Variants in UGGT1 observed in about 807,000 individuals in gnomAD.
UGGT1 encodes UDP-glucose:glycoprotein glucosyltransferase 1.
UGGT1 carries 107 observed loss-of-function variants against 203.9 expected under a neutral mutation model. The observed-to-expected ratio is 0.52, with a 90% confidence interval of 0.45 to 0.62. UGGT1 has a LOEUF of 0.62. Among genes scored for constraint, UGGT1 ranks in the 20% least tolerant of loss-of-function variants. The probability of loss-of-function intolerance (pLI) is 0.00; values close to 1 mark genes in which losing one functional copy is unlikely to be tolerated. For missense variants in UGGT1, 1,673 were observed against 1,867.2 expected (o/e 0.90, Z 1.92); for synonymous variants, 628 against 653.5 (o/e 0.96, Z 0.59).
intron 25 of UGGT1, among the ~76,000 whole-genome samples, chr2:128,163,291 C>CTT (rs5834198): frequency 0.42 from 64,129 of 150,984 alleles, 13,779 homozygotes; most frequent in South Asian, 0.57. Flanking sequence ...TGTATGTAGG[C>CTT]TTAATTACAG....
chr2:128,105,359 G>C (rs1457198641), intron 3 of UGGT1, among the ~76,000 whole-genome samples: 2 of 140,524 alleles, frequency 1.4e-5, no homozygotes, highest in Non-Finnish European at 3.1e-5. Context: ...ATTTTTTTTT[G>C]TGGAGACAGG....
chr2:128,162,810 C>A (rs1183315923), intron 25 of UGGT1, among the ~76,000 whole-genome samples: 1 of 152,214 alleles, frequency 6.6e-6, no homozygotes, highest in African/African-American at 2.4e-5. Context: ...AACTGCCAGA[C>A]TGTGCCTAGA....
At chr2:128,092,076 T>G (rs1041621327) in intron 1 of UGGT1, among the ~76,000 whole-genome samples, 3 of 152,192 alleles carry the variant, frequency 2.0e-5, no homozygotes, top group African/African-American at 2.4e-5. Context: ...TGTGCTACAC[T>G]AACTGTTTTG....
chr2:128,172,882 C>T (rs1363893655), intron 29 of UGGT1, 120 bp downstream of exon 29: 7 of 933,442 alleles, frequency 7.5e-6, no homozygotes, highest in Non-Finnish European at 1.1e-5. Flanking sequence ...TAAACAACAG[C>T]TTTATTCACA....
rs977033761 is a variant in UGGT1, at chr2:128,113,069, A to G, written c.522-15A>G. 2.7e-6 allele frequency: 4 copies of G among 1,455,770 alleles called. No individual in the cohort carries two copies. Among genetic ancestry groups the G allele is most frequent in the Non-Finnish European group, 3.7e-6 (4 of 1,095,802 alleles). The allele number at this position is 1,455,770 out of a possible 1,614,324, so 90.2% of individuals were successfully genotyped here. A position where few individuals can be genotyped will look rare whatever the true frequency, so the allele number is the denominator to read the frequency against. On this transcript the variant is annotated splice_polypyrimidine_tract_variant and intron_variant, in intron 5 of 40. Coordinates refer to ENST00000259253, the MANE Select transcript of UGGT1 (RefSeq NM_020120.4). ...ATTATTTTTAAAGTTTTGAGCTTTTATTATTTATTTTCAGACCCAAACCTT... is the reference window on the plus strand; with the variant it reads ...ATTATTTTTAAAGTTTTGAGCTTTTGTTATTTATTTTCAGACCCAAACCTT...
chr2:128,161,561 A>G (rs1369800338), intron 25 of UGGT1, among the ~76,000 whole-genome samples: 2 of 152,180 alleles, frequency 1.3e-5, no homozygotes, highest in East Asian at 3.8e-4. Context: ...TAGTTTATTT[A>G]TTACCTGGAA....
intron 27 of UGGT1, 122 bp downstream of exon 27, chr2:128,170,512 G>T (rs1691040447): frequency 2.7e-6 from 2 of 731,826 alleles, no homozygotes; most frequent in East Asian, 2.7e-5. Flanking sequence ...ATGCTATGGG[G>T]TTCTAGGGCA....
chr2:128,100,463 A>G (rs1467799550), intron 2 of UGGT1, among the ~76,000 whole-genome samples: 1 of 149,482 alleles, frequency 6.7e-6, no homozygotes, highest in Non-Finnish European at 1.5e-5. Context: ...CTGGAGTGCA[A>G]TGGCGTGATC....
intron 22 of UGGT1, 33 bp from the exon 23 acceptor site, chr2:128,159,481 C>T (rs1298575442): frequency 1.3e-6 from 2 of 1,586,556 alleles, no homozygotes; most frequent in Non-Finnish European, 8.7e-7. Flanking sequence ...AAAATATCTA[C>T]AATATGACTC....
At chr2:128,144,983 C>G (rs1461766182) in intron 17 of UGGT1, among the ~76,000 whole-genome samples, 2 of 152,164 alleles carry the variant, frequency 1.3e-5, no homozygotes, top group Admixed American at 6.6e-5. Context: ...TGTTGACAGT[C>G]AGGAAAAATG....
intron 35 of UGGT1, among the ~76,000 whole-genome samples, chr2:128,180,293 G>C (rs1691623952): frequency 1.3e-5 from 2 of 152,180 alleles, no homozygotes; most frequent in Admixed American, 1.3e-4. Flanking sequence ...AATGTTTTCT[G>C]CATTACTTAT....
At chr2:128,120,659 A>G (rs993761175) in intron 9 of UGGT1, among the ~76,000 whole-genome samples, 3 of 152,328 alleles carry the variant, frequency 2.0e-5, no homozygotes, top group East Asian at 3.9e-4. Flanking sequence ...GAAGTAATAT[A>G]TATAAACAAA....
intron 19 of UGGT1, among the ~76,000 whole-genome samples, chr2:128,153,454 A>T (rs1164789195): frequency 6.6e-6 from 1 of 152,176 alleles, no homozygotes; most frequent in Admixed American, 6.5e-5. Context: ...CTAATGATAC[A>T]TCATTATCAT....
chr2:128,172,728 C>T lies in UGGT1; in HGVS notation c.3260C>T (p.Thr1087Ile), dbSNP rs1427801519. ...AGCTGGATGGTAGAATCTGTCAGAA[C>T]ACCATATGATCTTGATAATATTTAT... ...PESWMVESVR[T>I]PYDLDNIYLE... Residue 1087 changes from threonine to isoleucine, a missense_variant, in exon 29 of 41, where the codon ACA becomes ATA. Thr to Ile is a moderately conservative substitution (Grantham distance 89, BLOSUM62 -1). This residue lies in a region of UGGT1 where 513 missense variants were observed against 684.1 expected (regional missense o/e 0.75). Coordinates refer to ENST00000259253, the MANE Select transcript of UGGT1 (RefSeq NM_020120.4). 1 of 1,613,944 alleles carries T rather than the reference C, an allele frequency of 6.2e-7. No individual in the cohort carries two copies. Among genetic ancestry groups the T allele is most frequent in the African/African-American group, 1.3e-5 (1 of 74,914 alleles).
Position 128,191,947 on chromosome 2 carries a change from C to T in UGGT1, c.*2205C>T, listed in dbSNP as rs569820373. 6.6e-6 allele frequency: 1 copy of T among 152,376 alleles called. No individual in the cohort carries two copies. The highest frequency in any genetic ancestry group is 1.5e-5 in the Non-Finnish European group (1 of 68,058). 9.4% of individuals were successfully genotyped at this position (152,376 alleles called of 1,614,324 possible). A position where few individuals can be genotyped will look rare whatever the true frequency, so the allele number is the denominator to read the frequency against. On this transcript the variant is annotated 3_prime_UTR_variant, in exon 41 of 41. Transcript: ENST00000259253. ...GACGGGTGACTGCTGCTGTCCACAA[C>T]TGTGGGCGGAAGTGTGCCTTTTCCC...
At chr2:128,178,799 T>TA (rs1691532891) in intron 34 of UGGT1, among the ~76,000 whole-genome samples, 1 of 152,220 alleles carries the variant, frequency 6.6e-6, no homozygotes, top group Admixed American at 6.5e-5. Context: ...TGCAGCCCTT[T>TA]AACGTCACTG....
chr2:128,098,155 G>A (rs1687200102), intron 2 of UGGT1, among the ~76,000 whole-genome samples: 1 of 152,176 alleles, frequency 6.6e-6, no homozygotes, highest in African/African-American at 2.4e-5. Context: ...GAGCCACTGT[G>A]CCTGGCCAGT....
chr2:128,103,671 A>G (rs1285397889), intron 2 of UGGT1, among the ~76,000 whole-genome samples: 2 of 151,936 alleles, frequency 1.3e-5, no homozygotes, highest in Non-Finnish European at 2.9e-5. Flanking sequence ...CTTCCCTTTT[A>G]TGTTTTTATT....
At position 128,155,385 on chromosome 2, in the gene UGGT1, G is replaced by A. The variant is rs141928381; in HGVS notation, c.2138-104G>A. ...ATGGAACTTAATATACTTCACTCACGCATTTCTATAAATCTTATATTATGA... is the reference window on the plus strand; with the variant it reads ...ATGGAACTTAATATACTTCACTCACACATTTCTATAAATCTTATATTATGA... On this transcript the variant is annotated intron_variant, in intron 19 of 40. Coordinates refer to ENST00000259253, the MANE Select transcript of UGGT1 (RefSeq NM_020120.4). 1.3e-3 allele frequency: 1,082 copies of A among 819,948 alleles called. 8 individuals carry two copies. In the African/African-American group the frequency reaches 0.016, roughly 12 times the overall value. 50.8% of individuals were successfully genotyped at this position (819,948 alleles called of 1,614,324 possible). A position where few individuals can be genotyped will look rare whatever the true frequency, so the allele number is the denominator to read the frequency against.
Sources: allele counts gnomAD v4.1 joint callset (sites outside exome capture counted in the v4.1 genomes callset), GRCh38; gene constraint gnomAD v4.1.1; regional missense constraint gnomAD v4.1.1; transcripts MANE v1.5; gene names NCBI Gene and HGNC (gene_info 2026-07-23, HGNC 2026-07-21).